Variants in EYS observed in about 807,000 individuals in gnomAD.
EYS encodes the protein protein eyes shut homolog.
A neutral mutation model predicts 282.1 loss-of-function variants in EYS; 250 were observed. That is an observed-to-expected ratio of 0.89 (90% CI 0.80 to 0.98). The LOEUF (loss-of-function observed/expected upper bound fraction) is 0.98. Among genes scored for constraint, EYS ranks in the 50% least tolerant of loss-of-function variants. The pLI is 0.00. For missense variants in EYS, 4,016 were observed against 3,709.0 expected (o/e 1.08, Z -2.15); for synonymous variants, 1,355 against 1,282.9 (o/e 1.06, Z -1.20).
In EYS at chr6:64,959,584, A is replaced by C. The variant is rs185824780; in HGVS notation, c.2260-13670T>G. ...TGATTCTGGTCCCAGATGCTATGAC[A>C]TGTAGGCTATTGAACATCTTATCCA... On this transcript the variant is annotated intron_variant, in intron 14 of 42. Coordinates refer to ENST00000503581, the MANE Select transcript of EYS (RefSeq NM_001142800.2). 1.5e-4 allele frequency among the ~76,000 whole-genome samples: 23 copies of C among 152,316 alleles called. No individual in the cohort carries two copies. The East Asian group carries it at 4.4e-3, about 29-fold the overall frequency.
intron 31 of EYS, among the ~76,000 whole-genome samples, chr6:64,087,235 G>A (rs139291470): frequency 5.6e-4 from 85 of 152,160 alleles, no homozygotes; most frequent in African/African-American, 1.9e-3. Context: ...TGAATTCAAC[G>A]CATTCAACAA....
chr6:64,886,893 T>A, intron 18 of EYS, 51 bp from the exon 19 acceptor site: 15 of 1,039,776 alleles, frequency 1.4e-5, no homozygotes, highest in Non-Finnish European at 1.9e-5. Flanking sequence ...TGATAATCAT[T>A]TATTATATAT....
intron 1 of EYS, among the ~76,000 whole-genome samples, chr6:65,700,464 T>C (rs533580772): frequency 4.3e-4 from 66 of 152,356 alleles, no homozygotes; most frequent in Middle Eastern, 6.8e-3. Context: ...TACATATATG[T>C]TAAATATTCT....
chr6:63,852,877 A>G (rs1448513935), intron 36 of EYS, among the ~76,000 whole-genome samples: 1 of 152,228 alleles, frequency 6.6e-6, no homozygotes, highest in Non-Finnish European at 1.5e-5. Flanking sequence ...ACCAATAACA[A>G]AAAACCACAT....
chr6:65,292,065 C>G (rs12190364), intron 12 of EYS, among the ~76,000 whole-genome samples: 7,008 of 151,494 alleles, frequency 0.046, 222 homozygotes, highest in South Asian at 0.089. Flanking sequence ...AGGCACAACC[C>G]CGGTGACTAA....
intron 40 of EYS, among the ~76,000 whole-genome samples, chr6:63,772,051 GA>G (rs933017881): frequency 1.3e-5 from 2 of 152,052 alleles, no homozygotes; most frequent in Admixed American, 1.3e-4. Flanking sequence ...CATTTTAGTG[GA>G]AAATGGTATT....
chr6:65,105,153 G>A (rs1774999594), intron 12 of EYS, among the ~76,000 whole-genome samples: 2 of 151,606 alleles, frequency 1.3e-5, no homozygotes. Flanking sequence ...GGATATATAT[G>A]AGTATGCAGG....
At chr6:64,501,395 T>C (rs1172419903) in intron 26 of EYS, among the ~76,000 whole-genome samples, 2 of 152,120 alleles carry the variant, frequency 1.3e-5, no homozygotes, top group Admixed American at 1.3e-4. Flanking sequence ...CGTTATGGCT[T>C]CTTTCTGTGA....
At chr6:64,130,653 A>C (rs1470082590) in intron 31 of EYS, among the ~76,000 whole-genome samples, 4 of 152,126 alleles carry the variant, frequency 2.6e-5, no homozygotes, top group African/African-American at 9.7e-5. Context: ...TCAGATCCCT[A>C]GCAGTAGATG....
At chr6:65,168,080 A>G (rs1190000855) in intron 12 of EYS, among the ~76,000 whole-genome samples, 1 of 150,630 alleles carries the variant, frequency 6.6e-6, no homozygotes, top group East Asian at 2.0e-4. Flanking sequence ...ATTTTTTTCT[A>G]CTAGTTTTTG....
intron 15 of EYS, among the ~76,000 whole-genome samples, chr6:64,917,140 G>A (rs61169463): frequency 0.011 from 1,628 of 152,058 alleles, 26 homozygotes; most frequent in African/African-American, 0.037. Flanking sequence ...CCCCAGCTAC[G>A]CGGGAGGCTG....
At chr6:65,270,473 T>C (rs1336468761) in intron 12 of EYS, among the ~76,000 whole-genome samples, 3 of 152,092 alleles carry the variant, frequency 2.0e-5, no homozygotes, top group African/African-American at 7.2e-5. Context: ...CAACGTGAAG[T>C]CCCCAACACC....
rs1239472721 is a variant in EYS, at chr6:65,495,115, G to A, written c.296C>T (p.Pro99Leu). ...VISSEPSLQF[P>L]EINLMNVSET... ...AGAAACATTCATCAAATTTATTTCT[G>A]GAAATTGAAGAGATGGTTCAGAAGA... Residue 99 changes from proline (P) to leucine (L), a missense_variant, in exon 4 of 43, where the codon CCA (proline) becomes CTA (leucine). By Grantham distance (98) the Pro-to-Leu change is moderately conservative. Coordinates refer to ENST00000503581, the MANE Select transcript of EYS (RefSeq NM_001142800.2). 1.1e-5 allele frequency: 18 copies of A among 1,614,004 alleles called. No individual in the cohort carries two copies. Among genetic ancestry groups the A allele is most frequent in the Middle Eastern group, 3.3e-4 (2 of 6,084 alleles).
At chr6:63,733,663 T>C (rs67362704) in intron 41 of EYS, among the ~76,000 whole-genome samples, 13,267 of 152,252 alleles carry the variant, frequency 0.087, 617 homozygotes, top group East Asian at 0.16. Context: ...GGAAAGTTTA[T>C]TACAGCATTA....
chr6:64,449,369 T>G (rs564680805), intron 26 of EYS, among the ~76,000 whole-genome samples: 15 of 152,174 alleles, frequency 9.9e-5, no homozygotes, highest in Admixed American at 9.2e-4. Context: ...AAAGACCAAC[T>G]CTACGTCTCA....
At chr6:64,395,504 T>C (rs1348640652) in intron 28 of EYS, among the ~76,000 whole-genome samples, 2 of 151,816 alleles carry the variant, frequency 1.3e-5, no homozygotes, top group Non-Finnish European at 2.9e-5. Context: ...AAATTGGAAA[T>C]CATCATTCTC....
At chr6:64,801,072 T>C (rs1200599915) in intron 22 of EYS, among the ~76,000 whole-genome samples, 1 of 152,082 alleles carries the variant, frequency 6.6e-6, no homozygotes, top group Non-Finnish European at 1.5e-5. Context: ...TCAATTTTTA[T>C]AACTTTATAG....
At chr6:64,489,448 T>G (rs1412665159) in intron 26 of EYS, among the ~76,000 whole-genome samples, 2 of 149,586 alleles carry the variant, frequency 1.3e-5, no homozygotes, top group African/African-American at 4.9e-5. Flanking sequence ...AATAAATCCA[T>G]TTACTAGTTA....
chr6:65,572,901 A>G (rs916202900), intron 2 of EYS, among the ~76,000 whole-genome samples: 2 of 152,194 alleles, frequency 1.3e-5, no homozygotes, highest in African/African-American at 4.8e-5. Context: ...CCATTAAACA[A>G]AACTACATTT....
Sources: allele counts gnomAD v4.1 joint callset (sites outside exome capture counted in the v4.1 genomes callset), GRCh38; gene constraint gnomAD v4.1.1; transcripts MANE v1.5; gene names NCBI Gene and HGNC (gene_info 2026-07-23, HGNC 2026-07-21).